BAZ2A: variants seen among roughly 807,000 people sequenced by gnomAD.
The protein encoded by BAZ2A is bromodomain adjacent to zinc finger domain protein 2A.
BAZ2A carries 34 observed loss-of-function variants against 199.9 expected under a neutral mutation model. The observed-to-expected ratio is 0.17, with a 90% CI of 0.13 to 0.23. The LOEUF (loss-of-function observed/expected upper bound fraction) is 0.23, where lower values mean the gene tolerates loss of function less well. Ranked by LOEUF, BAZ2A falls within the 10% of genes least tolerant of loss-of-function variation. BAZ2A has a pLI of 1.00. For synonymous variants in BAZ2A, 857 were observed against 883.9 expected, an observed-to-expected ratio of 0.97 and a Z score of 0.54; for missense variants, 2,002 against 2,391.1, an observed-to-expected ratio of 0.84 and a Z score of 3.39.
At chr12:56,630,341 G>C (rs760228971), upstream of BAZ2A, 32 of 956,958 alleles carry the variant, frequency 3.3e-5, no homozygotes, top group Admixed American at 1.2e-4. Flanking sequence ...CGGAGCCGGA[G>C]GGGGCGGAGA....
intron 2 of BAZ2A, among the ~76,000 whole-genome samples, 177 bp from the exon 3 acceptor site, chr12:56,615,784 A>T (rs1274048436): frequency 6.6e-6 from 1 of 152,156 alleles, no homozygotes; most frequent in Non-Finnish European, 1.5e-5. Context: ...AGGCTCCTGG[A>T]TGTAGGTTTA....
chr12:56,625,505 T>C (rs1241933696), intron 1 of BAZ2A, among the ~76,000 whole-genome samples: 1 of 151,986 alleles, frequency 6.6e-6, no homozygotes, highest in African/African-American at 2.4e-5. Context: ...CCCCCAAATA[T>C]GAGCTAAGCA....
Position 56,601,849 on chromosome 12 carries a change from A to C in BAZ2A, c.3768T>G (p.Gly1256=). 6.2e-7 allele frequency: 1 copy of C among 1,613,896 alleles called. No homozygotes were observed. Among genetic ancestry groups the C allele is most frequent in the Non-Finnish European group, 8.5e-7 (1 of 1,179,860 alleles). Residue 1256 remains glycine (G), a synonymous_variant, in exon 20 of 29, where the codon GGT becomes GGG. Coordinates refer to ENST00000549884, the MANE Select transcript of BAZ2A (RefSeq NM_001300905.2). ...ACTGGCTGAGGTCATGCTGGCTCTG[A>C]CCCAGTGACAAAGGGGAGCCTTCTT... ...LEQEGSPLSL[G]QSQHDLSQSA...
intron 7 of BAZ2A, 83 bp downstream of exon 7, chr12:56,611,490 G>A (rs2137002601): frequency 7.2e-7 from 1 of 1,398,062 alleles, no homozygotes; most frequent in Middle Eastern, 1.8e-4. Context: ...CCCCACCTCA[G>A]AGGAAAAGAG....
At chr12:56,627,886 A>G (rs1056221507) in intron 1 of BAZ2A, among the ~76,000 whole-genome samples, 2 of 151,336 alleles carry the variant, frequency 1.3e-5, no homozygotes, top group African/African-American at 4.8e-5. Flanking sequence ...GAGAAAAAAA[A>G]GAAAAGAAGA....
chr12:56,622,173 T>G (rs374965085), intron 1 of BAZ2A, among the ~76,000 whole-genome samples: 324 of 152,172 alleles, frequency 2.1e-3, no homozygotes, highest in Non-Finnish European at 4.0e-3. Context: ...ACCCCATCTC[T>G]ATTAAAATTA....
chr12:56,620,662 C>T (rs531758638), intron 1 of BAZ2A, among the ~76,000 whole-genome samples: 1 of 151,486 alleles, frequency 6.6e-6, no homozygotes, highest in Admixed American at 6.6e-5. Context: ...CAGGTTCAAG[C>T]GATTCTCCTG....
At chr12:56,634,518 T>A (rs554628305), upstream of BAZ2A, among the ~76,000 whole-genome samples, 1 of 152,214 alleles carries the variant, frequency 6.6e-6, no homozygotes, top group East Asian at 1.9e-4. Flanking sequence ...CAGGGACAGA[T>A]AGTGCTGTCG....
At position 56,603,635 on chromosome 12, in the gene BAZ2A, C is replaced by A. The variant is rs764851746; in HGVS notation, c.3104G>T (p.Cys1035Phe). The A allele has an allele frequency of 4.3e-6, 7 of 1,613,954 alleles. No homozygotes were observed. In the South Asian group the frequency reaches 6.6e-5, roughly 15 times the overall value. ...SEVEMEGPEE[C>F]LGRRRSSRIM... ...CCGAGAACTGCGCCTCCGTCCCAGG[C>A]ATTCCTCTGGCCCTTCCATCTCTAC... The change falls in exon 17 of 29, where the codon TGC becomes TTC. Residue 1035 changes from cysteine to phenylalanine, a missense_variant. This residue lies in a region of BAZ2A where 1,081 missense variants were observed against 1,274.7 expected (regional missense o/e 0.85). Coordinates refer to ENST00000549884, the MANE Select transcript of BAZ2A (RefSeq NM_001300905.2).
chr12:56,631,441 ACT>A (rs1357895683), upstream of BAZ2A, among the ~76,000 whole-genome samples: 1 of 135,864 alleles, frequency 7.4e-6, no homozygotes, highest in Non-Finnish European at 1.5e-5. Flanking sequence ...ACAGAGGGAG[ACT>A]CTATCTCAAA....
Position 56,610,469 on chromosome 12 carries a change from C to A in BAZ2A, c.1719G>T (p.Gly573=). 3.1e-6 allele frequency: 5 copies of A among 1,613,784 alleles called. No homozygotes were observed. The highest frequency in any genetic ancestry group is 4.2e-6 in the Non-Finnish European group (5 of 1,179,792). Residue 573 remains glycine, a synonymous_variant, in exon 8 of 29, where the codon GGG becomes GGT. Coordinates refer to ENST00000549884, the MANE Select transcript of BAZ2A (RefSeq NM_001300905.2). ...CACAGGGGCCATAATACCAGGTCTC[C>A]CCCTGCCATCGGTGGCTGCCCTTCT... The part of the protein sequence containing the change: ...RIKKGSHRWQ[G]ETWYYGPCGK...
Position 56,596,729 on chromosome 12 carries a change from T to C in BAZ2A, c.*1889A>G, listed in dbSNP as rs1382516467. 1.3e-5 allele frequency: 2 copies of C among 152,578 alleles called. No homozygotes were observed. Among genetic ancestry groups the C allele is most frequent in the African/African-American group, 4.8e-5 (2 of 41,408 alleles). The allele number at this position is 152,578 out of a possible 1,614,324, so 9.5% of individuals were successfully genotyped here. On this transcript the variant is annotated 3_prime_UTR_variant, in exon 29 of 29. Transcript: ENST00000549884. Reference sequence around the variant, plus strand: ...AAAATATAAATATTTATGCATAATATAAAGTCAATTCAAATATTCTTCAAT... The same window carrying C: ...AAAATATAAATATTTATGCATAATACAAAGTCAATTCAAATATTCTTCAAT...
In BAZ2A at chr12:56,627,783, G is replaced by A. The variant is rs1477696680; in HGVS notation, c.-3+2342C>T. Reference sequence around the variant, plus strand: ...CGGGGCTGCAGTGAGCTATGATGGCGCCACTGCACTCCAGCCTGGGCATCG... The same window carrying A: ...CGGGGCTGCAGTGAGCTATGATGGCACCACTGCACTCCAGCCTGGGCATCG... On this transcript the variant is annotated intron_variant, in intron 1 of 28. Coordinates refer to ENST00000549884, the MANE Select transcript of BAZ2A (RefSeq NM_001300905.2). 5.5e-5 allele frequency among the ~76,000 whole-genome samples: 8 copies of A among 146,456 alleles called. No homozygotes were observed. The East Asian group carries it at 6.0e-4, about 11-fold the overall frequency.
upstream of BAZ2A, among the ~76,000 whole-genome samples, chr12:56,637,875 C>T (rs944565465): frequency 6.6e-6 from 1 of 152,112 alleles, no homozygotes. Flanking sequence ...TACGGTTGTC[C>T]ATCAACAAAA....
upstream of BAZ2A, among the ~76,000 whole-genome samples, chr12:56,631,662 C>T (rs576445893): frequency 2.0e-4 from 31 of 152,144 alleles, no homozygotes; most frequent in Admixed American, 3.9e-4. Context: ...GTTCTAGAAA[C>T]AGTTGCCTAA....
intron 15 of BAZ2A, 37 bp from the exon 16 acceptor site, chr12:56,604,328 CAA>C: frequency 6.4e-7 from 1 of 1,566,906 alleles, no homozygotes; most frequent in Non-Finnish European, 8.7e-7. Flanking sequence ...AGTGGCAGCA[CAA>C]AAAAAGGGAA....
chr12:56,609,182 AT>A (rs974394498), intron 10 of BAZ2A, among the ~76,000 whole-genome samples: 1 of 151,430 alleles, frequency 6.6e-6, no homozygotes, highest in African/African-American at 2.4e-5. Context: ...CCGGCCTATT[AT>A]TTTTTTTAGA....
At chr12:56,606,359 C>G (rs534131936) in intron 11 of BAZ2A, 47 bp from the exon 12 acceptor site, 1 of 1,606,944 alleles carries the variant, frequency 6.2e-7, no homozygotes, top group South Asian at 1.1e-5. Context: ...CTGAAAGCAT[C>G]TCTGCTTGGG....
At chr12:56,630,616 G>T (rs2137431865), upstream of BAZ2A, among the ~76,000 whole-genome samples, 1 of 152,358 alleles carries the variant, frequency 6.6e-6, no homozygotes, top group African/African-American at 2.4e-5. Flanking sequence ...AAAGGCAGGT[G>T]CCACTTCTCT....
Sources: gnomAD v4.1 joint callset for allele counts (sites outside exome capture counted in the v4.1 genomes callset) on GRCh38, gnomAD v4.1.1 for gene constraint, gnomAD v4.1.1 regional missense constraint, MANE v1.5 for transcripts, NCBI Gene and HGNC (gene_info 2026-07-23, HGNC 2026-07-21) for gene names.